The following MCF2L variants were observed in gnomAD, a reference collection of about 807,000 sequenced individuals.
MCF2L encodes guanine nucleotide exchange factor DBS.
A neutral mutation model predicts 153.4 loss-of-function variants in MCF2L; 97 were observed. The observed-to-expected ratio is 0.63, with a 90% confidence interval of 0.54 to 0.75. The LOEUF (loss-of-function observed/expected upper bound fraction) is 0.75. MCF2L is among the 30% of genes least tolerant of loss of function. MCF2L has a pLI of 0.00. For missense variants in MCF2L, 1,347 were observed against 1,495.2 expected (o/e 0.90, Z 1.64); for synonymous variants, 659 against 632.2 (o/e 1.04, Z -0.64).
chr13:113,024,294 C>T (rs1418401790), intron 2 of MCF2L, among the ~76,000 whole-genome samples: 4 of 152,140 alleles, frequency 2.6e-5, no homozygotes, highest in African/African-American at 9.7e-5. Flanking sequence ...GGTTTGTTCT[C>T]AGTGTCAGGA....
intron 8 of MCF2L, among the ~76,000 whole-genome samples, chr13:113,069,731 T>G (rs1237998945): frequency 6.6e-6 from 1 of 152,168 alleles, no homozygotes; most frequent in Non-Finnish European, 1.5e-5. Context: ...TCTCAAAAAA[T>G]AAATTTTAAA....
At chr13:113,019,130 C>A (rs1466039062) in intron 2 of MCF2L, among the ~76,000 whole-genome samples, 1 of 152,220 alleles carries the variant, frequency 6.6e-6, no homozygotes, top group Non-Finnish European at 1.5e-5. Context: ...CCCCTTCTCC[C>A]ACCCCATTTC....
Position 113,027,118 on chromosome 13 carries a change from G to A in MCF2L, c.278+2360G>A, listed in dbSNP as rs1405151693. On this transcript the variant is annotated intron_variant, in intron 3 of 29. Transcript: ENST00000535094. This position sits in a 1 kb window ranked among gnomAD's most constrained non-coding sequence, Gnocchi z 4.8. ...ACATAAGGTGGCAAAACACAGAGGA[G>A]ATGTTTAACCATCAGCGTGAAAGTG... 1.4e-5 allele frequency: 10 copies of A among 717,798 alleles called. No individual in the cohort carries two copies. In the South Asian group the frequency reaches 1.5e-4, roughly 11 times the overall value. The allele number at this position is 717,798 out of a possible 1,614,324, so 44.5% of individuals were successfully genotyped here.
intron 3 of MCF2L, chr13:113,043,062 G>A (rs933886859): frequency 6.6e-6 from 1 of 152,262 alleles, no homozygotes; most frequent in Non-Finnish European, 1.5e-5. Context: ...AACCGCTGGG[G>A]GTGGATTCTA....
At chr13:113,030,005 C>T (rs544166855) in intron 3 of MCF2L, among the ~76,000 whole-genome samples, 2 of 152,342 alleles carry the variant, frequency 1.3e-5, no homozygotes, top group African/African-American at 4.8e-5. Flanking sequence ...TTTTAACTTT[C>T]CTTCTGTTTT....
Position 113,070,035 on chromosome 13 carries a change from C to T in MCF2L, c.882-24C>T, listed in dbSNP as rs1432075111. 3.8e-6 allele frequency: 6 copies of T among 1,572,448 alleles called. No homozygotes were observed. The highest frequency in any genetic ancestry group is 1.7e-4 in the Middle Eastern group (1 of 5,948). ...CATGGGGCGCCGTGGGCCACACAGA[C>T]GGTCAACTCCTCCTCTTTCCCAGGC... is the stretch of plus-strand genomic sequence containing the variant. On this transcript the variant is annotated intron_variant, in intron 8 of 29. Coordinates refer to ENST00000535094, the MANE Select transcript of MCF2L (RefSeq NM_001112732.3). This position sits in a 1 kb window ranked among gnomAD's most constrained non-coding sequence, Gnocchi z 5.6.
chr13:113,035,635 T>C lies in MCF2L; in HGVS notation c.279-9636T>C, dbSNP rs1228804774. Among the ~76,000 whole-genome samples, 1 of 152,182 alleles carries C rather than the reference T, an allele frequency of 6.6e-6. No individual in the cohort carries two copies. The highest frequency in any genetic ancestry group is 1.9e-4 in the East Asian group (1 of 5,186). On this transcript the variant is annotated intron_variant, in intron 3 of 29. Coordinates refer to ENST00000535094, the MANE Select transcript of MCF2L (RefSeq NM_001112732.3). This position sits in a 1 kb window ranked among gnomAD's most constrained non-coding sequence, Gnocchi z 4.4. Reference sequence around the variant, plus strand: ...ACAGCTTCGTGGCCGGCCGCCTCCATGGATTCGGGTGGGCACAGGTCCTGC... The same window carrying C: ...ACAGCTTCGTGGCCGGCCGCCTCCACGGATTCGGGTGGGCACAGGTCCTGC...
At chr13:113,065,548 C>T (rs2032235465) in intron 7 of MCF2L, among the ~76,000 whole-genome samples, 2 of 152,234 alleles carry the variant, frequency 1.3e-5, no homozygotes, top group African/African-American at 4.8e-5. Context: ...GCAGAACACT[C>T]CCAGTGCTCA....
rs538639601 is a variant in MCF2L, at chr13:113,053,290, G to A, written c.370-7303G>A. On this transcript the variant is annotated intron_variant, in intron 4 of 29. Transcript: ENST00000535094. This position sits in a 1 kb window ranked among gnomAD's most constrained non-coding sequence, Gnocchi z 4.4. ...CGTCAGCTGTCCACCCTTCTCAGTCGTCTCTAATCCACCCAGTTGTTGGTT... is the reference window on the plus strand; with the variant it reads ...CGTCAGCTGTCCACCCTTCTCAGTCATCTCTAATCCACCCAGTTGTTGGTT... Among the ~76,000 whole-genome samples the A allele has an allele frequency of 1.1e-4, 16 of 152,326 alleles. No homozygotes were observed. Among genetic ancestry groups the A allele is most frequent in the South Asian group, 8.3e-4 (4 of 4,826 alleles).
chr13:112,938,433 G>T (rs1013621366), intron 2 of MCF2L, among the ~76,000 whole-genome samples: 8 of 152,070 alleles, frequency 5.3e-5, no homozygotes, highest in African/African-American at 1.9e-4. Flanking sequence ...TGGCCTCTTG[G>T]GGCTGTTTTA....
chr13:113,087,488 C>A, intron 22 of MCF2L, 32 bp downstream of exon 22: 2 of 1,537,616 alleles, frequency 1.3e-6, no homozygotes, highest in South Asian at 2.4e-5. Context: ...GCAGCACGCT[C>A]CTGGCCACAG....
intron 26 of MCF2L, among the ~76,000 whole-genome samples, chr13:113,092,839 T>TG (rs1269313671): frequency 6.6e-6 from 1 of 152,244 alleles, no homozygotes; most frequent in African/African-American, 2.4e-5. Context: ...AGAGAGGCTC[T>TG]GGGGAGCACT....
rs117565608 is a variant in MCF2L at position 113,005,461 on chromosome 13, G to T, written c.80-9302G>T. Among the ~76,000 whole-genome samples the T allele has an allele frequency of 6.6e-5, 10 of 152,296 alleles. No homozygotes were observed. In the East Asian group the frequency reaches 1.5e-3, roughly 23 times the overall value. ...GGACTATTCGTGGTGACTGACTGTG[G>T]TCTGTTTGTGGTGGCCGTGGCGTGT... On this transcript the variant is annotated intron_variant, in intron 1 of 29. Coordinates refer to ENST00000535094, the MANE Select transcript of MCF2L (RefSeq NM_001112732.3).
chr13:113,006,700 T>G (rs1235296838), intron 1 of MCF2L, among the ~76,000 whole-genome samples: 1 of 151,778 alleles, frequency 6.6e-6, no homozygotes, highest in Non-Finnish European at 1.5e-5. Context: ...GACACTAAGG[T>G]GTTGAAGACC....
chr13:112,944,771 C>T (rs2081619651), intron 2 of MCF2L, among the ~76,000 whole-genome samples: 1 of 152,146 alleles, frequency 6.6e-6, no homozygotes, highest in Admixed American at 6.5e-5. Context: ...CAGGCGTGAG[C>T]CACCGCGCCC....
chr13:113,034,639 A>G (rs28425760), intron 3 of MCF2L, among the ~76,000 whole-genome samples: 104,108 of 148,990 alleles, frequency 0.7, 36,168 homozygotes, highest in East Asian at 0.85. Flanking sequence ...GGTCTCACCC[A>G]CGCCCTCGCC....
intron 2 of MCF2L, among the ~76,000 whole-genome samples, chr13:112,940,642 C>A (rs1594359065): frequency 6.6e-6 from 1 of 152,368 alleles, no homozygotes; most frequent in East Asian, 1.9e-4. Context: ...TGTACGTGTA[C>A]ATTTCAATCA....
intron 2 of MCF2L, among the ~76,000 whole-genome samples, chr13:113,023,182 G>A (rs1301318406): frequency 6.6e-6 from 1 of 152,256 alleles, no homozygotes; most frequent in East Asian, 1.9e-4. Flanking sequence ...TCGGCAGCCA[G>A]GATGGGCTCA....
chr13:113,062,925 C>T (rs2031754017), intron 5 of MCF2L, among the ~76,000 whole-genome samples: 1 of 152,226 alleles, frequency 6.6e-6, no homozygotes, highest in African/African-American at 2.4e-5. Flanking sequence ...GCCACTCTCC[C>T]CGTCCGGCCT....
Sources: allele counts gnomAD v4.1 joint callset (sites outside exome capture counted in the v4.1 genomes callset), GRCh38; gene constraint gnomAD v4.1.1; non-coding constraint Gnocchi (gnomAD v3.1); transcripts MANE v1.5; gene names NCBI Gene and HGNC (gene_info 2026-07-23, HGNC 2026-07-21).